The following ZNF148 variants were observed in gnomAD, a reference collection of about 807,000 sequenced individuals.
ZNF148 encodes Beta-Enolase Repressor Factor-1.
In ZNF148, 7 loss-of-function variants were observed where a neutral mutation model predicts 67.7. The ratio of observed to expected loss-of-function variants is 0.10; its 90% CI spans 0.06 to 0.19. ZNF148 has a LOEUF of 0.19. ZNF148 is among the 10% of genes least tolerant of loss of function. The probability of loss-of-function intolerance (pLI) is 1.00; values close to 1 mark genes in which losing one functional copy is unlikely to be tolerated. For missense variants in ZNF148, 583 were observed against 947.1 expected, an observed-to-expected ratio of 0.62 and a Z score of 5.05; for synonymous variants, 333 against 330.7, an observed-to-expected ratio of 1.01 and a Z score of -0.08.
chr3:125,330,465 C>CAAAAAAAA (rs200643048), intron 2 of ZNF148, among the ~76,000 whole-genome samples: 1,659 of 117,972 alleles, frequency 0.014, 32 homozygotes, highest in African/African-American at 0.065. Context: ...AACCCTATCT[C>CAAAAAAAA]AAAAAAAAAA....
At chr3:125,341,112 T>C (rs978873693) in intron 1 of ZNF148, among the ~76,000 whole-genome samples, 14 of 150,898 alleles carry the variant, frequency 9.3e-5, no homozygotes, top group South Asian at 6.3e-4. Context: ...GATGTTGGAA[T>C]TTGACAAGAA....
At chr3:125,326,173 C>T (rs1941009036) in intron 2 of ZNF148, among the ~76,000 whole-genome samples, 1 of 152,060 alleles carries the variant, frequency 6.6e-6, no homozygotes. Context: ...GAAAGGAAAA[C>T]ACATCAGACT....
chr3:125,308,539 A>C (rs1438484186), intron 4 of ZNF148, among the ~76,000 whole-genome samples: 1 of 129,778 alleles, frequency 7.7e-6, no homozygotes, highest in Non-Finnish European at 1.6e-5. Flanking sequence ...AAAAAAAAAA[A>C]ACAAAAACCT....
chr3:125,326,888 T>C (rs958847500), intron 2 of ZNF148, among the ~76,000 whole-genome samples: 1 of 149,578 alleles, frequency 6.7e-6, no homozygotes, highest in African/African-American at 2.4e-5. Flanking sequence ...TGTGTGTGTG[T>C]AGCAGATACC....
At chr3:125,369,609 A>G (rs1377647248) in intron 1 of ZNF148, among the ~76,000 whole-genome samples, 2 of 152,032 alleles carry the variant, frequency 1.3e-5, no homozygotes, top group African/African-American at 4.8e-5. Context: ...CCGAAATATA[A>G]AAGTTCTTAT....
intron 1 of ZNF148, among the ~76,000 whole-genome samples, chr3:125,340,388 C>T (rs575862287): frequency 4.6e-5 from 7 of 152,220 alleles, no homozygotes; most frequent in East Asian, 1.9e-4. Flanking sequence ...GGCAAGTAGG[C>T]AAAATTCAGG....
intron 2 of ZNF148, among the ~76,000 whole-genome samples, chr3:125,326,877 G>T (rs1269472550): frequency 1.5e-5 from 2 of 129,428 alleles, no homozygotes; most frequent in Admixed American, 7.8e-5. Flanking sequence ...TATATATATA[G>T]TGTGTGTGTG....
intron 3 of ZNF148, among the ~76,000 whole-genome samples, chr3:125,317,823 C>T (rs1267877448): frequency 6.6e-6 from 1 of 150,552 alleles, no homozygotes; most frequent in Non-Finnish European, 1.5e-5. Flanking sequence ...TTTTCATGTA[C>T]CAACATCTTT....
chr3:125,322,658 T>C (rs990866547), intron 3 of ZNF148, among the ~76,000 whole-genome samples: 3 of 152,194 alleles, frequency 2.0e-5, no homozygotes, highest in Non-Finnish European at 2.9e-5. Flanking sequence ...AAAGGAGCCC[T>C]GGGACACAGT....
chr3:125,229,984 A>G lies in ZNF148; in HGVS notation c.*2357T>C, dbSNP rs888456211. On this transcript the variant is annotated 3_prime_UTR_variant, in exon 9 of 9. Coordinates refer to ENST00000360647, the MANE Select transcript of ZNF148 (RefSeq NM_021964.3). ...CTAAAAACTGCTTATAACCTGGTAG[A>G]AAAGTCTGCCATTATGTAGATTTAA... 3.9e-5 allele frequency: 6 copies of G among 152,544 alleles called. No homozygotes were observed. The highest frequency in any genetic ancestry group is 1.3e-4 in the Admixed American group (2 of 15,264). The allele number at this position is 152,544 out of a possible 1,614,324, so 9.4% of individuals were successfully genotyped here.
intron 5 of ZNF148, among the ~76,000 whole-genome samples, chr3:125,281,117 C>T (rs1044906657): frequency 6.6e-6 from 1 of 152,144 alleles, no homozygotes; most frequent in Non-Finnish European, 1.5e-5. Flanking sequence ...TTATACAGGG[C>T]ATTTGGATTC....
chr3:125,298,266 T>G lies in ZNF148; in HGVS notation c.334-10038A>C, dbSNP rs554427662. Among the ~76,000 whole-genome samples, 10 of 152,164 alleles carry G rather than the reference T, an allele frequency of 6.6e-5. No homozygotes were observed. In the South Asian group the frequency reaches 2.1e-3, roughly 32 times the overall value. The stretch of plus-strand genomic sequence containing the variant: ...AGAGAAATTTAATCAAGATGTACTC[T>G]TATGATTTGTGCGCTTTTCTGTATA... On this transcript the variant is annotated intron_variant, in intron 4 of 8. Transcript: ENST00000360647.
chr3:125,366,166 C>T (rs1942696287), intron 1 of ZNF148, among the ~76,000 whole-genome samples: 1 of 152,158 alleles, frequency 6.6e-6, no homozygotes, highest in African/African-American at 2.4e-5. Flanking sequence ...TGTTAACATA[C>T]TTTAATTCTC....
chr3:125,305,004 G>C (rs899474834), intron 4 of ZNF148, among the ~76,000 whole-genome samples: 3 of 152,166 alleles, frequency 2.0e-5, no homozygotes, highest in African/African-American at 7.2e-5. Context: ...GCTTCTGTTA[G>C]CCAAATCTTA....
chr3:125,261,825 G>GCT (rs35313913), intron 7 of ZNF148, among the ~76,000 whole-genome samples: 84,234 of 138,700 alleles, frequency 0.61, 26,658 homozygotes, highest in African/African-American at 0.75. Context: ...GGGTTGACAA[G>GCT]TTTTTTTTTT....
At chr3:125,287,497 G>A (rs1938725626) in intron 5 of ZNF148, among the ~76,000 whole-genome samples, 1 of 152,126 alleles carries the variant, frequency 6.6e-6, no homozygotes, top group South Asian at 2.1e-4. Context: ...AAATTAGCCA[G>A]GCATGTTGGC....
chr3:125,276,463 C>T (rs1271301678), intron 7 of ZNF148, among the ~76,000 whole-genome samples: 1 of 151,812 alleles, frequency 6.6e-6, no homozygotes, highest in Non-Finnish European at 1.5e-5. Flanking sequence ...GACGGAGTTT[C>T]ACTCTTATTG....
At chr3:125,345,695 CA>C (rs1420427588) in intron 1 of ZNF148, among the ~76,000 whole-genome samples, 2 of 152,026 alleles carry the variant, frequency 1.3e-5, no homozygotes, top group African/African-American at 4.8e-5. Context: ...GGGAATATTA[CA>C]AACAATTTTA....
At chr3:125,287,851 G>A (rs1282262932) in intron 5 of ZNF148, among the ~76,000 whole-genome samples, 1 of 152,108 alleles carries the variant, frequency 6.6e-6, no homozygotes, top group African/African-American at 2.4e-5. Flanking sequence ...TGAGAAGAAA[G>A]GGCAATGCAT....
Sources: allele counts gnomAD v4.1 joint callset (sites outside exome capture counted in the v4.1 genomes callset), GRCh38; gene constraint gnomAD v4.1.1; transcripts MANE v1.5; gene names NCBI Gene and HGNC (gene_info 2026-07-23, HGNC 2026-07-21).